The following CACNA1D variants were observed in gnomAD, a reference collection of about 807,000 sequenced individuals.
CACNA1D encodes the protein calcium voltage-gated channel subunit alpha1 D, also known as voltage-dependent L-type calcium channel subunit alpha-1D.
Under a neutral mutation model 257.1 loss-of-function variants are expected in CACNA1D, and 55 were observed. The ratio of observed to expected loss-of-function variants is 0.21; its 90% CI spans 0.17 to 0.27. The LOEUF is 0.27. CACNA1D is among the 10% of genes least tolerant of loss of function. CACNA1D has a pLI of 1.00. For synonymous variants in CACNA1D, 980 were observed against 1,014.9 expected (o/e 0.97, Z 0.65); for missense variants, 1,876 against 2,784.0 (o/e 0.67, Z 7.34).
intron 3 of CACNA1D, among the ~76,000 whole-genome samples, chr3:53,572,361 T>A (rs976094241): frequency 3.0e-5 from 1 of 33,640 alleles, no homozygotes; most frequent in Non-Finnish European, 8.9e-5. Flanking sequence ...GCCTCTGGTT[T>A]GTTTGTTTGT....
rs892502224 is a variant in CACNA1D at position 53,800,828 on chromosome 3, G to A, written c.5041-230G>A. On this transcript the variant is annotated intron_variant, in intron 41 of 47. Transcript: ENST00000350061. This position sits in a 1 kb window ranked among gnomAD's most constrained non-coding sequence, Gnocchi z 4.3. ...ACTGGAAGAGCACACTCGAGTGACA[G>A]CCGACAGCTTGCTCCCCAGCTCAGG... 3.3e-6 allele frequency: 2 copies of A among 604,692 alleles called. No homozygotes were observed. Among genetic ancestry groups the A allele is most frequent in the Non-Finnish European group, 5.9e-6 (2 of 338,268 alleles). 37.5% of individuals were successfully genotyped at this position (604,692 alleles called of 1,614,324 possible). A position where few individuals can be genotyped will look rare whatever the true frequency, so the allele number is the denominator to read the frequency against.
intron 3 of CACNA1D, among the ~76,000 whole-genome samples, chr3:53,585,720 C>A (rs1454923700): frequency 6.6e-6 from 1 of 152,086 alleles, no homozygotes; most frequent in East Asian, 1.9e-4. Context: ...TGTGCTCCAC[C>A]TGGGGAGGGG....
chr3:53,786,148 G>A (rs1392577180), intron 39 of CACNA1D: 1 of 153,468 alleles, frequency 6.5e-6, no homozygotes, highest in East Asian at 1.9e-4. Flanking sequence ...CACGTTGGAG[G>A]TTGTTTCTGA....
intron 3 of CACNA1D, among the ~76,000 whole-genome samples, chr3:53,637,542 T>A (rs1265053123): frequency 6.6e-6 from 1 of 152,146 alleles, no homozygotes; most frequent in Non-Finnish European, 1.5e-5. Context: ...CTCAATATAA[T>A]CCCCTAGTAA....
intron 4 of CACNA1D, among the ~76,000 whole-genome samples, chr3:53,651,748 G>C (rs184282149): frequency 6.6e-6 from 1 of 152,286 alleles, no homozygotes; most frequent in East Asian, 1.9e-4. Context: ...AAAGTGAGTT[G>C]CTCCTCAAAT....
intron 3 of CACNA1D, among the ~76,000 whole-genome samples, chr3:53,515,352 C>T (rs2091289652): frequency 6.6e-6 from 1 of 152,156 alleles, no homozygotes; most frequent in South Asian, 2.1e-4. Flanking sequence ...CAGGGGGATT[C>T]TGGCCCGATG....
At chr3:53,744,878 T>A in intron 23 of CACNA1D, 51 bp downstream of exon 23, 2 of 997,916 alleles carry the variant, frequency 2.0e-6, no homozygotes, top group Non-Finnish European at 3.2e-6. Context: ...GGGTTGGCTG[T>A]AATTACTGGC....
chr3:53,776,794 G>A lies in CACNA1D; in HGVS notation c.4490+64G>A, dbSNP rs2095400297. 3.1e-6 allele frequency: 5 copies of A among 1,613,654 alleles called. No individual in the cohort carries two copies. In the Admixed American group the frequency reaches 8.3e-5, roughly 27 times the overall value. On this transcript the variant is annotated intron_variant, in intron 36 of 47. Transcript: ENST00000350061. Reference sequence around the variant, plus strand: ...ATTTTGGAATGTCAGCTTTTTTTGTGGAGTGGACTGAAAGTTCGGGCCAGC... The same window carrying A: ...ATTTTGGAATGTCAGCTTTTTTTGTAGAGTGGACTGAAAGTTCGGGCCAGC...
intron 3 of CACNA1D, among the ~76,000 whole-genome samples, chr3:53,626,014 C>T (rs1343762296): frequency 2.0e-5 from 3 of 152,184 alleles, no homozygotes; most frequent in Admixed American, 1.3e-4. Flanking sequence ...ATCTGTAGGT[C>T]TGCTGCTTTG....
intron 3 of CACNA1D, among the ~76,000 whole-genome samples, chr3:53,621,599 A>G (rs959610337): frequency 1.3e-5 from 2 of 152,252 alleles, no homozygotes; most frequent in East Asian, 3.8e-4. Flanking sequence ...ACAAAAAGCA[A>G]TCATCATAAA....
intron 44 of CACNA1D, 56 bp downstream of exon 44, chr3:53,803,628 C>T: frequency 6.3e-7 from 1 of 1,582,768 alleles, no homozygotes; most frequent in Non-Finnish European, 8.6e-7. Flanking sequence ...TGGTGCTCGG[C>T]CCACTCCGGA....
chr3:53,735,366 C>T lies in CACNA1D; in HGVS notation c.2622-8C>T. ...GGACTGTTTCCAAGCAGCGGCTTTT[C>T]CCTGCAGGATCCGCGTAGGCTGCCA... On this transcript the variant is annotated splice_region_variant and splice_polypyrimidine_tract_variant and intron_variant, in intron 19 of 47. Coordinates refer to ENST00000350061, the MANE Select transcript of CACNA1D (RefSeq NM_001128840.3). The T allele has an allele frequency of 6.2e-7, 1 of 1,613,924 alleles. No individual in the cohort carries two copies. The highest frequency in any genetic ancestry group is 8.5e-7 in the Non-Finnish European group (1 of 1,179,806).
chr3:53,650,511 C>T (rs532513841), intron 3 of CACNA1D, among the ~76,000 whole-genome samples: 5 of 152,370 alleles, frequency 3.3e-5, no homozygotes, highest in Non-Finnish European at 5.9e-5. Context: ...ACTCATCACA[C>T]GCATTGGGGC....
intron 7 of CACNA1D, among the ~76,000 whole-genome samples, chr3:53,667,523 G>A (rs1216894675): frequency 6.6e-6 from 1 of 152,080 alleles, no homozygotes; most frequent in Non-Finnish European, 1.5e-5. Flanking sequence ...TAGACAGAAG[G>A]CCTGTAAATT....
chr3:53,617,499 C>A (rs1201709592), intron 3 of CACNA1D, among the ~76,000 whole-genome samples: 1 of 152,160 alleles, frequency 6.6e-6, no homozygotes, highest in Non-Finnish European at 1.5e-5. Flanking sequence ...GGTGTTATGA[C>A]AATTAAGTGA....
At chr3:53,679,927 G>C (rs1051028084) in intron 8 of CACNA1D, among the ~76,000 whole-genome samples, 10 of 152,116 alleles carry the variant, frequency 6.6e-5, no homozygotes, top group Non-Finnish European at 1.3e-4. Context: ...GCTCTGATTT[G>C]GCTTTAAATG....
chr3:53,709,600 C>T (rs2094727700), intron 9 of CACNA1D, among the ~76,000 whole-genome samples: 1 of 152,218 alleles, frequency 6.6e-6, no homozygotes, highest in African/African-American at 2.4e-5. Flanking sequence ...ATTCCTGCTG[C>T]TGTCTCACAC....
At position 53,723,402 on chromosome 3, in the gene CACNA1D, C is replaced by T. The variant is rs376436984; in HGVS notation, c.1667-32C>T. 5.2e-6 allele frequency: 8 copies of T among 1,541,632 alleles called. No individual in the cohort carries two copies. Among genetic ancestry groups the T allele is most frequent in the Non-Finnish European group, 7.2e-6 (8 of 1,113,784 alleles). ...AGCAGTCTGAGTGTCTTGCAGGAGA[C>T]CCTGAGGATGGGTGCCCCTTTGTCT... On this transcript the variant is annotated intron_variant, in intron 12 of 47. Coordinates refer to ENST00000350061, the MANE Select transcript of CACNA1D (RefSeq NM_001128840.3). The surrounding 1 kb of genome is among the most constrained non-coding windows in gnomAD (Gnocchi z 5.6).
At chr3:53,594,181 G>A (rs1265142489) in intron 3 of CACNA1D, among the ~76,000 whole-genome samples, 2 of 152,194 alleles carry the variant, frequency 1.3e-5, no homozygotes, top group African/African-American at 2.4e-5. Flanking sequence ...AGTCTGGTTC[G>A]TCTTAGCGAC....
Sources: allele counts gnomAD v4.1 joint callset (sites outside exome capture counted in the v4.1 genomes callset), GRCh38; gene constraint gnomAD v4.1.1; non-coding constraint Gnocchi (gnomAD v3.1); transcripts MANE v1.5; gene names NCBI Gene and HGNC (gene_info 2026-07-23, HGNC 2026-07-21).